TECRL: variants seen among roughly 807,000 people sequenced by gnomAD.
TECRL encodes the protein trans-2,3-enoyl-CoA reductase-like.
In TECRL, 63 loss-of-function variants were observed where a neutral mutation model predicts 52.8. That is an observed-to-expected ratio of 1.19 (90% confidence interval 0.97 to 1.47). TECRL has a LOEUF of 1.47. Among genes scored for constraint, TECRL ranks in the 40% most tolerant of loss-of-function variants. TECRL has a pLI of 0.00. For synonymous variants in TECRL, 164 were observed against 141.9 expected, an observed-to-expected ratio of 1.16 and a Z score of -1.10; for missense variants, 482 against 429.6, an observed-to-expected ratio of 1.12 and a Z score of -1.08.
chr4:64,296,762 AT>A (rs1471144983), intron 8 of TECRL, among the ~76,000 whole-genome samples: 1 of 151,690 alleles, frequency 6.6e-6, no homozygotes, highest in East Asian at 1.9e-4. Context: ...TTTGGGTGGA[AT>A]TGGATTCAGA....
chr4:64,397,090 C>T (rs1306356260), intron 1 of TECRL, among the ~76,000 whole-genome samples: 1 of 152,056 alleles, frequency 6.6e-6, no homozygotes, highest in African/African-American at 2.4e-5. Flanking sequence ...TTTGTTTGAA[C>T]TCTTATATTA....
chr4:64,401,759 C>T (rs1724375535), intron 1 of TECRL, among the ~76,000 whole-genome samples: 1 of 152,128 alleles, frequency 6.6e-6, no homozygotes, highest in African/African-American at 2.4e-5. Flanking sequence ...TGCTAGTTTC[C>T]GTAGACAGAA....
chr4:64,331,403 C>T (rs1718630865), intron 2 of TECRL, among the ~76,000 whole-genome samples: 1 of 152,108 alleles, frequency 6.6e-6, no homozygotes, highest in Non-Finnish European at 1.5e-5. Flanking sequence ...AAATAACCCA[C>T]TGGAGGACTA....
chr4:64,298,182 GA>G (rs1249505142), intron 8 of TECRL, among the ~76,000 whole-genome samples: 2 of 151,030 alleles, frequency 1.3e-5, no homozygotes, highest in African/African-American at 4.8e-5. Flanking sequence ...TTAAATGTGT[GA>G]TTGAAACAGA....
intron 1 of TECRL, among the ~76,000 whole-genome samples, chr4:64,380,033 C>T (rs940089508): frequency 1.8e-4 from 27 of 151,978 alleles, no homozygotes; most frequent in Non-Finnish European, 3.5e-4. Flanking sequence ...TAAGAATTTC[C>T]TTTGATCTGC....
Position 64,322,759 on chromosome 4 carries a change from TG to T in TECRL, c.364del (p.Gln122LysfsTer16). 6.2e-7 allele frequency: 1 copy of T among 1,611,990 alleles called. No homozygotes were observed. The highest frequency in any genetic ancestry group is 8.5e-7 in the Non-Finnish European group (1 of 1,178,944). The stretch of plus-strand genomic sequence containing the variant: ...GACAATGGAGGAAGCTGCAATACTT[TG>T]AATGGTAATGTAGTCCTTCAAAAAA... ...GPFLKDYITIQSIAASSIVTL... is the reference protein window; with the variant it reads ...GPFLKDYITIXSIAASSIVTL... On this transcript the variant is annotated frameshift_variant, in exon 4 of 12. Transcript: ENST00000381210. LOFTEE classifies it high-confidence loss of function.
intron 1 of TECRL, among the ~76,000 whole-genome samples, chr4:64,380,499 C>G (rs184507546): frequency 1.3e-4 from 19 of 151,964 alleles, no homozygotes; most frequent in African/African-American, 4.6e-4. Flanking sequence ...TGAATCTTTT[C>G]TCCTATGTTT....
intron 2 of TECRL, among the ~76,000 whole-genome samples, chr4:64,356,938 A>C (rs1353529538): frequency 6.6e-6 from 1 of 152,188 alleles, no homozygotes; most frequent in East Asian, 1.9e-4. Context: ...TAATTTTCTA[A>C]AACCAGATTA....
chr4:64,374,052 CATATAT>C (rs77300773), intron 2 of TECRL, among the ~76,000 whole-genome samples: 1,712 of 105,856 alleles, frequency 0.016, 21 homozygotes, highest in East Asian at 0.053. Flanking sequence ...ATAGTAGATA[CATATAT>C]ATATATATAT....
At chr4:64,297,249 T>A (rs1471929799) in intron 8 of TECRL, among the ~76,000 whole-genome samples, 1 of 151,318 alleles carries the variant, frequency 6.6e-6, no homozygotes, top group East Asian at 1.9e-4. Context: ...TAATCTGACA[T>A]GGGTAATCGA....
Position 64,281,033 on chromosome 4 carries a change from G to T in TECRL, c.964+8C>A. 1 of 1,594,542 alleles carries T rather than the reference G, an allele frequency of 6.3e-7. No homozygotes were observed. The highest frequency in any genetic ancestry group is 8.6e-7 in the Non-Finnish European group (1 of 1,166,624). On this transcript the variant is annotated splice_region_variant and intron_variant, in intron 11 of 11. Transcript: ENST00000381210. ...TTTTGATTAATTATCAGTATATCTA[G>T]GTCTTACCTGGCAGTGTTTGTGTCA... is the stretch of plus-strand genomic sequence containing the variant.
intron 6 of TECRL, among the ~76,000 whole-genome samples, chr4:64,309,205 A>G (rs1724520504): frequency 6.6e-6 from 1 of 152,200 alleles, no homozygotes; most frequent in African/African-American, 2.4e-5. Context: ...TACAAAGCAG[A>G]TATTTGACAA....
At chr4:64,298,457 C>T (rs1004473315) in intron 8 of TECRL, among the ~76,000 whole-genome samples, 1 of 150,964 alleles carries the variant, frequency 6.6e-6, no homozygotes, top group Non-Finnish European at 1.5e-5. Flanking sequence ...TAGAATTTTG[C>T]TTATGTCTAA....
chr4:64,372,120 T>C lies in TECRL; in HGVS notation c.286+3052A>G, dbSNP rs181855732. Among the ~76,000 whole-genome samples the C allele has an allele frequency of 1.2e-3, 188 of 151,882 alleles. 1 individual carries two copies. The highest frequency in any genetic ancestry group is 4.4e-3 in the African/African-American group (183 of 41,526). On this transcript the variant is annotated intron_variant, in intron 2 of 11. Transcript: ENST00000381210. ...TGGAATACTTGTGAGCAGATGAACA[T>C]GAATAGAGCATGATATAAAGGTACA...
At chr4:64,350,711 G>A (rs1451761179) in intron 2 of TECRL, among the ~76,000 whole-genome samples, 1 of 151,934 alleles carries the variant, frequency 6.6e-6, no homozygotes, top group African/African-American at 2.4e-5. Context: ...CCAGCGGACT[G>A]CCTTTTAACT....
chr4:64,339,048 G>T (rs1417811730), intron 2 of TECRL, among the ~76,000 whole-genome samples: 1 of 152,056 alleles, frequency 6.6e-6, no homozygotes, highest in African/African-American at 2.4e-5. Context: ...GTCCAACAAT[G>T]ATAGACTGGA....
At chr4:64,349,546 C>G (rs1004781024) in intron 2 of TECRL, among the ~76,000 whole-genome samples, 1 of 152,048 alleles carries the variant, frequency 6.6e-6, no homozygotes, top group Non-Finnish European at 1.5e-5. Flanking sequence ...AGACATTATT[C>G]CTGAAGATGA....
At chr4:64,385,502 A>G in intron 1 of TECRL, among the ~76,000 whole-genome samples, 1 of 152,072 alleles carries the variant, frequency 6.6e-6, no homozygotes, top group Non-Finnish European at 1.5e-5. Context: ...GTTTCCTGGG[A>G]CACAGGATAC....
At chr4:64,371,691 C>T (rs965341496) in intron 2 of TECRL, among the ~76,000 whole-genome samples, 1 of 151,600 alleles carries the variant, frequency 6.6e-6, no homozygotes, top group Admixed American at 6.6e-5. Flanking sequence ...TTTCTCATTC[C>T]TGCTCCAGCT....
Sources: gnomAD v4.1 joint callset for allele counts (sites outside exome capture counted in the v4.1 genomes callset) on GRCh38, gnomAD v4.1.1 for gene constraint, MANE v1.5 for transcripts, NCBI Gene and HGNC (gene_info 2026-07-23, HGNC 2026-07-21) for gene names.